RBMS3: variants seen among roughly 807,000 people sequenced by gnomAD.
The protein encoded by RBMS3 is RNA-binding motif, single-stranded-interacting protein 3.
A neutral mutation model predicts 66.8 loss-of-function variants in RBMS3; 27 were observed. That is an observed-to-expected ratio of 0.40 (90% CI 0.30 to 0.56). The LOEUF is 0.56. RBMS3 is among the 20% of genes least tolerant of loss of function. The probability of loss-of-function intolerance (pLI) is 0.40; values close to 1 mark genes in which losing one functional copy is unlikely to be tolerated. For synonymous variants in RBMS3, 188 were observed against 183.0 expected (o/e 1.03, Z -0.22); for missense variants, 513 against 549.5 (o/e 0.93, Z 0.66).
At chr3:29,320,448 A>T (rs1209177858) in intron 1 of RBMS3, among the ~76,000 whole-genome samples, 1 of 152,092 alleles carries the variant, frequency 6.6e-6, no homozygotes, top group African/African-American at 2.4e-5. Context: ...TAAAAGCTGG[A>T]TCATCTTCCT....
At chr3:29,295,598 G>A (rs2033207687) in intron 1 of RBMS3, among the ~76,000 whole-genome samples, 2 of 151,248 alleles carry the variant, frequency 1.3e-5, no homozygotes, top group African/African-American at 4.8e-5. Flanking sequence ...ATAGCAATCT[G>A]ACATATGTTA....
chr3:29,530,356 T>G (rs1412859324), intron 3 of RBMS3, among the ~76,000 whole-genome samples: 1 of 152,108 alleles, frequency 6.6e-6, no homozygotes, highest in Non-Finnish European at 1.5e-5. Flanking sequence ...CCCCAGAAAT[T>G]TGGATATGTG....
intron 1 of RBMS3, among the ~76,000 whole-genome samples, chr3:29,339,579 C>CT (rs57824638): frequency 0.46 from 68,001 of 146,482 alleles, 16,155 homozygotes; most frequent in Non-Finnish European, 0.54. Flanking sequence ...TAGACTTTAA[C>CT]TTTTTTTTTT....
chr3:29,681,400 G>A (rs535322548), intron 4 of RBMS3, among the ~76,000 whole-genome samples: 8 of 151,974 alleles, frequency 5.3e-5, no homozygotes, highest in South Asian at 2.1e-4. Flanking sequence ...GGTTTGTTAC[G>A]TAGGTAAATG....
chr3:29,471,172 G>A (rs1350386342), intron 2 of RBMS3, among the ~76,000 whole-genome samples: 9 of 152,134 alleles, frequency 5.9e-5, no homozygotes. Context: ...ATCTGTGTGT[G>A]AAGGAGTTAT....
intron 11 of RBMS3, among the ~76,000 whole-genome samples, chr3:29,943,479 G>T (rs1325679625): frequency 2.0e-5 from 3 of 151,864 alleles, no homozygotes; most frequent in East Asian, 3.9e-4. Flanking sequence ...GATATATTTT[G>T]TGCCATGTAA....
At chr3:29,363,266 T>C (rs2037709710) in intron 1 of RBMS3, among the ~76,000 whole-genome samples, 1 of 152,168 alleles carries the variant, frequency 6.6e-6, no homozygotes, top group African/African-American at 2.4e-5. Context: ...CTGGGAAGAA[T>C]TGAAACTAGA....
At chr3:29,897,259 T>C (rs1257593991) in intron 8 of RBMS3, 120 bp from the exon 9 acceptor site, 1 of 793,584 alleles carries the variant, frequency 1.3e-6, no homozygotes. Context: ...TTCTTGTTAA[T>C]GGTTGGTGGA....
intron 1 of RBMS3, among the ~76,000 whole-genome samples, chr3:29,402,947 A>G (rs887100550): frequency 6.6e-6 from 1 of 152,002 alleles, no homozygotes; most frequent in Non-Finnish European, 1.5e-5. Context: ...TACAATAGTT[A>G]TCTTCTGTTT....
chr3:29,373,081 G>A (rs866150947), intron 1 of RBMS3, among the ~76,000 whole-genome samples: 9 of 152,114 alleles, frequency 5.9e-5, no homozygotes, highest in African/African-American at 2.2e-4. Context: ...CAAAGCAGGT[G>A]CTTGAAATTA....
chr3:29,526,622 G>A (rs1006709995), intron 3 of RBMS3, among the ~76,000 whole-genome samples: 3 of 145,340 alleles, frequency 2.1e-5, no homozygotes, highest in African/African-American at 7.6e-5. Flanking sequence ...TTCTGAGAGG[G>A]ATTTTAGAGC....
chr3:29,838,875 G>A (rs572087907), intron 6 of RBMS3, among the ~76,000 whole-genome samples: 63 of 152,204 alleles, frequency 4.1e-4, no homozygotes, highest in African/African-American at 1.4e-3. Flanking sequence ...GTGAGATTGG[G>A]TCACCGTTAG....
chr3:29,981,018 G>A (rs1043635897), intron 12 of RBMS3, among the ~76,000 whole-genome samples: 6 of 152,074 alleles, frequency 3.9e-5, no homozygotes, highest in African/African-American at 9.7e-5. Context: ...AAATTACTTT[G>A]GGCAATATGG....
At chr3:29,690,271 G>T (rs942126081) in intron 4 of RBMS3, among the ~76,000 whole-genome samples, 1 of 151,396 alleles carries the variant, frequency 6.6e-6, no homozygotes, top group African/African-American at 2.4e-5. Context: ...GCAACATGGT[G>T]AGATCTTGTG....
chr3:29,745,573 A>G (rs937349757), intron 5 of RBMS3, among the ~76,000 whole-genome samples: 3 of 152,108 alleles, frequency 2.0e-5, no homozygotes, highest in Non-Finnish European at 4.4e-5. Flanking sequence ...AGAATGACCC[A>G]AAGTGGGGAA....
intron 4 of RBMS3, among the ~76,000 whole-genome samples, chr3:29,732,283 A>G (rs1214743558): frequency 1.3e-5 from 2 of 152,214 alleles, no homozygotes; most frequent in Non-Finnish European, 2.9e-5. Context: ...GCTCAAAGGC[A>G]GTCAGACGGG....
chr3:29,874,868 T>C lies in RBMS3; in HGVS notation c.744+5904T>C, dbSNP rs17024527. Among the ~76,000 whole-genome samples, 626 of 152,250 alleles carry C rather than the reference T, an allele frequency of 4.1e-3. 5 individuals carry two copies. Among genetic ancestry groups the C allele is most frequent in the African/African-American group, 0.014 (600 of 41,538 alleles). ...ACCTATGATCACTAAGGATAAAAGG[T>C]AAGTCATGTAAATCCCTGTACTAGT... On this transcript the variant is annotated intron_variant, in intron 7 of 14. Transcript: ENST00000383767.
intron 8 of RBMS3, among the ~76,000 whole-genome samples, chr3:29,888,368 T>C (rs2059922371): frequency 6.6e-6 from 1 of 151,758 alleles, no homozygotes; most frequent in South Asian, 2.1e-4. Context: ...TTTAGTCCAT[T>C]GAAATTGGGC....
At chr3:29,794,273 C>G (rs967276247) in intron 6 of RBMS3, among the ~76,000 whole-genome samples, 1 of 152,144 alleles carries the variant, frequency 6.6e-6, no homozygotes, top group Admixed American at 6.5e-5. Context: ...CCTTAGCTCT[C>G]TCCCCAGGGA....
Sources: gnomAD v4.1 joint callset for allele counts (sites outside exome capture counted in the v4.1 genomes callset) on GRCh38, gnomAD v4.1.1 for gene constraint, MANE v1.5 for transcripts, NCBI Gene and HGNC (gene_info 2026-07-23, HGNC 2026-07-21) for gene names.